The following SHPRH variants were observed in gnomAD, a reference collection of about 807,000 sequenced individuals.
SHPRH encodes SNF2 histone linker PHD RING helicase, also known as E3 ubiquitin-protein ligase SHPRH.
In SHPRH, 106 loss-of-function variants were observed where a neutral mutation model predicts 202.5. The observed-to-expected ratio is 0.52, with a 90% CI of 0.45 to 0.62. The LOEUF (loss-of-function observed/expected upper bound fraction) is 0.62, where lower values mean the gene tolerates loss of function less well. Ranked by LOEUF, SHPRH falls within the 20% of genes least tolerant of loss-of-function variation. The probability of loss-of-function intolerance (pLI) is 0.00; values close to 1 mark genes in which losing one functional copy is unlikely to be tolerated. For missense variants in SHPRH, 1,710 were observed against 2,020.0 expected (o/e 0.85, Z 2.94); for synonymous variants, 729 against 686.0 (o/e 1.06, Z -0.98).
At chr6:145,911,385 C>T (rs751115550) in intron 24 of SHPRH, among the ~76,000 whole-genome samples, 4 of 152,074 alleles carry the variant, frequency 2.6e-5, no homozygotes, top group Non-Finnish European at 5.9e-5. Context: ...CCATCCACTT[C>T]GGCCTGGGAT....
chr6:145,924,224 A>G (rs937047171), intron 17 of SHPRH, among the ~76,000 whole-genome samples: 6 of 151,966 alleles, frequency 3.9e-5, no homozygotes, highest in African/African-American at 1.4e-4. Flanking sequence ...TATATCCCAG[A>G]ATACTAAATA....
chr6:145,873,058 A>G (rs1056879716), intron 2 of SHPRH, among the ~76,000 whole-genome samples: 1 of 152,196 alleles, frequency 6.6e-6, no homozygotes, highest in Non-Finnish European at 1.5e-5. Context: ...ATCAGGAAGA[A>G]TAACTATTGG....
intron 13 of SHPRH, 53 bp downstream of exon 13, chr6:145,934,854 T>C: frequency 1.3e-6 from 2 of 1,512,484 alleles, no homozygotes; most frequent in Non-Finnish European, 1.8e-6. Context: ...GGGCCTGAAA[T>C]ATTGTCTATT....
intron 28 of SHPRH, 86 bp from the exon 29 acceptor site, chr6:145,888,186 A>G: frequency 1.0e-6 from 1 of 955,166 alleles, no homozygotes; most frequent in Non-Finnish European, 1.6e-6. Context: ...TGCTATATTC[A>G]TCAGTCAGTT....
At chr6:145,889,479 C>T (rs1184200811) in intron 28 of SHPRH, among the ~76,000 whole-genome samples, 2 of 152,072 alleles carry the variant, frequency 1.3e-5, no homozygotes, top group African/African-American at 4.8e-5. Flanking sequence ...AAATCCAAAA[C>T]TTTTTGAGTG....
At chr6:145,915,628 G>A (rs1783883663) in intron 23 of SHPRH, among the ~76,000 whole-genome samples, 1 of 151,958 alleles carries the variant, frequency 6.6e-6, no homozygotes, top group Admixed American at 6.6e-5. Context: ...GTTACATAGA[G>A]AAACTATGGA....
intron 25 of SHPRH, chr6:145,906,389 G>T (rs1181524694): frequency 6.6e-6 from 1 of 152,034 alleles, no homozygotes. Flanking sequence ...ACATCTGGCA[G>T]GCCTGTCCTC....
At chr6:145,953,373 A>C (rs564979275) in intron 2 of SHPRH, among the ~76,000 whole-genome samples, 1 of 152,202 alleles carries the variant, frequency 6.6e-6, no homozygotes, top group Admixed American at 6.5e-5. Flanking sequence ...ATCAGGAAAA[A>C]CAGAATAGAT....
chr6:145,955,490 G>C, intron 1 of SHPRH, 136 bp from the exon 2 acceptor site: 1 of 773,612 alleles, frequency 1.3e-6, no homozygotes, highest in South Asian at 2.5e-5. Flanking sequence ...AAGGCAATGA[G>C]TAATTTTTTT....
At chr6:145,942,935 T>C (rs6912351) in intron 9 of SHPRH, among the ~76,000 whole-genome samples, 111,249 of 152,120 alleles carry the variant, frequency 0.73, 41,134 homozygotes, top group African/African-American at 0.82. Flanking sequence ...AATGCTTTAA[T>C]TGGTGAAATT....
In SHPRH at chr6:145,888,007, AATT is replaced by A. The variant is rs771590372; in HGVS notation, c.4955+10_4955+12del. 1 of 1,598,630 alleles carries A rather than the reference AATT, an allele frequency of 6.3e-7. No homozygotes were observed. The highest frequency in any genetic ancestry group is 1.1e-5 in the South Asian group (1 of 90,384). ...AACCTTCCCCCTTCTACTTGTGGTAAATTATTACCTACCTTCTCTCAGCAGTTT... is the reference window on the plus strand; with the variant it reads ...AACCTTCCCCCTTCTACTTGTGGTAAATTACCTACCTTCTCTCAGCAGTTT... On this transcript the variant is annotated intron_variant, in intron 29 of 29. Coordinates refer to ENST00000275233, the MANE Select transcript of SHPRH (RefSeq NM_001042683.3).
At chr6:145,903,081 T>C (rs1200913905) in intron 25 of SHPRH, among the ~76,000 whole-genome samples, 1 of 152,020 alleles carries the variant, frequency 6.6e-6, no homozygotes, top group East Asian at 1.9e-4. Context: ...AGTCATGACA[T>C]ATTTTAACAA....
chr6:145,920,925 T>G (rs1270863157), intron 21 of SHPRH, among the ~76,000 whole-genome samples: 1 of 151,996 alleles, frequency 6.6e-6, no homozygotes, highest in Non-Finnish European at 1.5e-5. Context: ...AAACAAAAAG[T>G]TTCATATAAG....
downstream of SHPRH, among the ~76,000 whole-genome samples, chr6:145,880,633 A>G (rs76366310): frequency 2.7e-5 from 4 of 146,006 alleles, no homozygotes; most frequent in African/African-American, 5.0e-5. Context: ...TGTCTCAAAG[A>G]AAAAAAAAAA....
chr6:145,932,699 CAA>C (rs1785603517), intron 14 of SHPRH, among the ~76,000 whole-genome samples: 1 of 152,122 alleles, frequency 6.6e-6, no homozygotes, highest in Admixed American at 6.5e-5. Flanking sequence ...TTTAATGTGT[CAA>C]AATTTAACCA....
downstream of SHPRH, among the ~76,000 whole-genome samples, chr6:145,880,982 T>C (rs553148778): frequency 1.3e-5 from 2 of 152,174 alleles, no homozygotes; most frequent in African/African-American, 4.8e-5. Flanking sequence ...TTTAATTACA[T>C]ATCTCACCAG....
At chr6:145,947,332 C>T (rs764739362) in intron 6 of SHPRH, among the ~76,000 whole-genome samples, 161 bp downstream of exon 6, 6 of 152,028 alleles carry the variant, frequency 3.9e-5, no homozygotes, top group Non-Finnish European at 5.9e-5. Flanking sequence ...ACAAACACCC[C>T]ATTCTCTCTG....
intron 11 of SHPRH, among the ~76,000 whole-genome samples, chr6:145,937,463 T>C (rs1786237410): frequency 6.6e-6 from 1 of 152,092 alleles, no homozygotes; most frequent in Non-Finnish European, 1.5e-5. Flanking sequence ...CTTGCCTAGA[T>C]TACTTCTTAT....
intron 25 of SHPRH, 97 bp downstream of exon 25, chr6:145,910,351 T>C (rs550834357): frequency 6.4e-5 from 89 of 1,389,736 alleles, no homozygotes; most frequent in Non-Finnish European, 8.7e-5. Flanking sequence ...CTATTCACTG[T>C]CAAGCTTGTT....
Sources: allele counts gnomAD v4.1 joint callset (sites outside exome capture counted in the v4.1 genomes callset), GRCh38; gene constraint gnomAD v4.1.1; transcripts MANE v1.5; gene names NCBI Gene and HGNC (gene_info 2026-07-23, HGNC 2026-07-21).